Variants in VRK1 observed in about 807,000 individuals in gnomAD.
VRK1 encodes the protein VRK serine/threonine kinase 1, also known as serine/threonine-protein kinase VRK1.
A neutral mutation model predicts 57.1 loss-of-function variants in VRK1; 33 were observed. The observed-to-expected ratio is 0.58, with a 90% confidence interval of 0.44 to 0.77. The LOEUF (loss-of-function observed/expected upper bound fraction) is 0.77, where lower values mean the gene tolerates loss of function less well. Among genes scored for constraint, VRK1 ranks in the 30% least tolerant of loss-of-function variants. The probability of loss-of-function intolerance (pLI) is 0.00; values close to 1 mark genes in which losing one functional copy is unlikely to be tolerated. For synonymous variants in VRK1, 137 were observed against 147.8 expected (o/e 0.93, Z 0.53); for missense variants, 413 against 477.3 (o/e 0.87, Z 1.25).
intron 5 of VRK1, among the ~76,000 whole-genome samples, chr14:96,851,537 T>C (rs1014877389): frequency 5.9e-5 from 9 of 152,240 alleles, no homozygotes; most frequent in African/African-American, 1.9e-4. Flanking sequence ...GATGATTTTC[T>C]AATTTTCTTC....
At chr14:96,818,392 AT>A (rs975198018) in intron 1 of VRK1, among the ~76,000 whole-genome samples, 43 of 148,858 alleles carry the variant, frequency 2.9e-4, no homozygotes, top group African/African-American at 1.0e-3. Context: ...CTAGGAAGAA[AT>A]TTTTTCTTTT....
intron 1 of VRK1, among the ~76,000 whole-genome samples, chr14:96,817,590 A>G (rs1023531115): frequency 6.6e-6 from 1 of 152,134 alleles, no homozygotes; most frequent in Admixed American, 6.5e-5. Flanking sequence ...ATATTCTCCC[A>G]TAGAGCCCTG....
chr14:96,847,682 C>T (rs866228614), intron 5 of VRK1, among the ~76,000 whole-genome samples: 16 of 152,132 alleles, frequency 1.1e-4, no homozygotes, highest in African/African-American at 3.1e-4. Flanking sequence ...AACAAAAACG[C>T]CTCTGTTCTT....
chr14:96,818,269 A>C (rs1886467389), intron 1 of VRK1, among the ~76,000 whole-genome samples: 1 of 152,210 alleles, frequency 6.6e-6, no homozygotes, highest in African/African-American at 2.4e-5. Flanking sequence ...TTTAAGGAAT[A>C]AAAGTTGAGA....
intron 11 of VRK1, among the ~76,000 whole-genome samples, chr14:96,869,098 TA>T (rs1391142029): frequency 6.6e-6 from 1 of 152,190 alleles, no homozygotes; most frequent in Non-Finnish European, 1.5e-5. Flanking sequence ...CGGCCTCGTG[TA>T]AAAATGGATG....
chr14:96,881,358 A>T lies in VRK1; in HGVS notation c.*150A>T. ...TGTTCAGAAAACATAAACTTTTTTTATAAAAATATTTTGTACAATTCATTA... is the reference window on the plus strand; with the variant it reads ...TGTTCAGAAAACATAAACTTTTTTTTTAAAAATATTTTGTACAATTCATTA... On this transcript the variant is annotated 3_prime_UTR_variant, in exon 13 of 13. Coordinates refer to ENST00000216639, the MANE Select transcript of VRK1 (RefSeq NM_003384.3). 1.4e-6 allele frequency: 1 copy of T among 703,408 alleles called. No individual in the cohort carries two copies. The highest frequency in any genetic ancestry group is 2.3e-6 in the Non-Finnish European group (1 of 435,938). 43.6% of individuals were successfully genotyped at this position (703,408 alleles called of 1,614,324 possible).
intron 10 of VRK1, among the ~76,000 whole-genome samples, chr14:96,859,896 A>T (rs1361984412): frequency 6.6e-6 from 1 of 152,218 alleles, no homozygotes; most frequent in Non-Finnish European, 1.5e-5. Context: ...TGATGGATAT[A>T]CAAGTCTGGA....
intron 1 of VRK1, among the ~76,000 whole-genome samples, chr14:96,797,898 A>T (rs1395824764): frequency 6.6e-6 from 1 of 152,212 alleles, no homozygotes; most frequent in Admixed American, 6.5e-5. Context: ...TGTTTTGCGG[A>T]TACGGAAATG....
chr14:96,822,546 C>T (rs572677593), intron 1 of VRK1, among the ~76,000 whole-genome samples: 1 of 152,302 alleles, frequency 6.6e-6, no homozygotes. Context: ...TGACTTGTGA[C>T]AGAGGCACTA....
At chr14:96,853,716 G>A (rs1888039811) in intron 7 of VRK1, among the ~76,000 whole-genome samples, 1 of 151,928 alleles carries the variant, frequency 6.6e-6, no homozygotes, top group Non-Finnish European at 1.5e-5. Context: ...AAAAGCTAAT[G>A]TTATTATACC....
chr14:96,842,186 T>G (rs1887490029), intron 3 of VRK1, among the ~76,000 whole-genome samples: 1 of 152,236 alleles, frequency 6.6e-6, no homozygotes, highest in South Asian at 2.1e-4. Flanking sequence ...ATTGCCTTTA[T>G]ACTACTCTTT....
At chr14:96,862,982 A>T (rs1888450449) in intron 11 of VRK1, among the ~76,000 whole-genome samples, 1 of 152,160 alleles carries the variant, frequency 6.6e-6, no homozygotes, top group South Asian at 2.1e-4. Context: ...TTTTTGGTAA[A>T]AACCTACAGG....
intron 1 of VRK1, among the ~76,000 whole-genome samples, chr14:96,813,945 A>T (rs1409849607): frequency 6.6e-6 from 1 of 152,160 alleles, no homozygotes; most frequent in African/African-American, 2.4e-5. Flanking sequence ...CAGTATCATT[A>T]TACCTTTGTT....
chr14:96,860,480 A>G, intron 10 of VRK1, 77 bp from the exon 11 acceptor site: 1 of 1,397,966 alleles, frequency 7.2e-7, no homozygotes, highest in Non-Finnish European at 9.8e-7. Context: ...TAACTTTACT[A>G]TAACCATGAA....
chr14:96,844,436 G>C (rs1326853306), intron 3 of VRK1, among the ~76,000 whole-genome samples: 2 of 152,160 alleles, frequency 1.3e-5, no homozygotes, highest in African/African-American at 4.8e-5. Flanking sequence ...AGGCACGCTT[G>C]TTTTCAGGTT....
intron 11 of VRK1, among the ~76,000 whole-genome samples, chr14:96,870,415 G>A (rs11160371): frequency 6.6e-6 from 1 of 151,996 alleles, no homozygotes; most frequent in Non-Finnish European, 1.5e-5. Context: ...AAAAGTTTTC[G>A]ACCTTAATGG....
intron 1 of VRK1, among the ~76,000 whole-genome samples, chr14:96,831,421 GC>G (rs1373749803): frequency 2.6e-5 from 4 of 152,162 alleles, no homozygotes; most frequent in Non-Finnish European, 5.9e-5. Context: ...TGATTTAGAA[GC>G]ATATTGAAGA....
chr14:96,823,472 A>G (rs1455441677), intron 1 of VRK1, among the ~76,000 whole-genome samples: 5 of 152,250 alleles, frequency 3.3e-5, no homozygotes, highest in Admixed American at 3.3e-4. Context: ...AACCTCTGAA[A>G]AAAATACCAA....
intron 2 of VRK1, 36 bp from the exon 3 acceptor site, chr14:96,837,726 T>C: frequency 7.2e-7 from 1 of 1,383,146 alleles, no homozygotes; most frequent in South Asian, 1.4e-5. Context: ...ATAATATTAC[T>C]TGTTCTGATA....
Sources: allele counts gnomAD v4.1 joint callset (sites outside exome capture counted in the v4.1 genomes callset), GRCh38; gene constraint gnomAD v4.1.1; transcripts MANE v1.5; gene names NCBI Gene and HGNC (gene_info 2026-07-23, HGNC 2026-07-21).